The following FAM110B variants were observed in gnomAD, a reference collection of about 807,000 sequenced individuals.
FAM110B encodes the protein family with sequence similarity 110 member B, also known as protein FAM110B.
Under a neutral mutation model 20.4 loss-of-function variants are expected in FAM110B, and 6 were observed. The ratio of observed to expected loss-of-function variants is 0.29; its 90% CI spans 0.16 to 0.58. The LOEUF is 0.58. Ranked by LOEUF, FAM110B falls within the 20% of genes least tolerant of loss-of-function variation. The pLI, the probability that FAM110B is intolerant of heterozygous loss-of-function variation, is 0.90. For synonymous variants in FAM110B, 226 were observed against 214.1 expected (o/e 1.06, Z -0.49); for missense variants, 434 against 498.2 (o/e 0.87, Z 1.23).
intron 1 of FAM110B, among the ~76,000 whole-genome samples, chr8:58,020,139 G>A (rs1270791360): frequency 1.3e-5 from 2 of 151,708 alleles, no homozygotes; most frequent in Non-Finnish European, 2.9e-5. Flanking sequence ...ATTTTATTTA[G>A]TGCTATTTTA....
At chr8:58,142,757 A>T (rs1803770329) in intron 3 of FAM110B, among the ~76,000 whole-genome samples, 1 of 152,042 alleles carries the variant, frequency 6.6e-6, no homozygotes, top group Non-Finnish European at 1.5e-5. Flanking sequence ...AGTTTCTCCC[A>T]CCCTCAGGCT....
rs548865205 is a variant in FAM110B at position 58,083,331 on chromosome 8, G to A, written c.-325+7708G>A. Among the ~76,000 whole-genome samples, 22 of 152,320 alleles carry A rather than the reference G, an allele frequency of 1.4e-4. No homozygotes were observed. In the South Asian group the frequency reaches 4.3e-3, roughly 30 times the overall value. On this transcript the variant is annotated intron_variant, in intron 3 of 3. Transcript: ENST00000519262. ...TTTAGTTGTAGTTGAACATTATGGT[G>A]CAGAATGGTAAGAACTTGGGTGAAA...
intron 1 of FAM110B, among the ~76,000 whole-genome samples, chr8:58,015,158 C>A (rs144666941): frequency 6.6e-6 from 1 of 152,038 alleles, no homozygotes; most frequent in African/African-American, 2.4e-5. Context: ...AAGTTCGAGA[C>A]CAGCCTGACC....
chr8:58,136,575 T>C (rs1380232254), intron 3 of FAM110B, among the ~76,000 whole-genome samples: 1 of 152,134 alleles, frequency 6.6e-6, no homozygotes, highest in Non-Finnish European at 1.5e-5. Context: ...TTAAAGTAAT[T>C]TTCATCAAGC....
At chr8:58,114,782 A>G (rs1807157359) in intron 3 of FAM110B, among the ~76,000 whole-genome samples, 1 of 152,170 alleles carries the variant, frequency 6.6e-6, no homozygotes, top group Non-Finnish European at 1.5e-5. Flanking sequence ...GATGAATAAT[A>G]TTTTATCTCT....
intron 3 of FAM110B, among the ~76,000 whole-genome samples, chr8:58,131,423 C>T (rs1327826185): frequency 1.3e-5 from 2 of 152,140 alleles, no homozygotes; most frequent in Admixed American, 1.3e-4. Context: ...TGCTCCCAGC[C>T]CATGCTACTG....
chr8:58,100,057 C>G (rs770833844), intron 3 of FAM110B, among the ~76,000 whole-genome samples: 1 of 152,120 alleles, frequency 6.6e-6, no homozygotes, highest in African/African-American at 2.4e-5. Flanking sequence ...GACCTCTCCT[C>G]GTCTAATCAC....
intron 1 of FAM110B, among the ~76,000 whole-genome samples, chr8:58,025,763 A>G (rs560051255): frequency 3.3e-5 from 5 of 152,268 alleles, no homozygotes; most frequent in South Asian, 2.1e-4. Flanking sequence ...AGATTGTTCA[A>G]TTGCCAGGAT....
intron 2 of FAM110B, among the ~76,000 whole-genome samples, chr8:58,062,038 C>T (rs6999637): frequency 0.054 from 8,157 of 152,180 alleles, 730 homozygotes; most frequent in African/African-American, 0.19. Flanking sequence ...TTGAAGGACA[C>T]GATACATTTT....
chr8:58,070,704 C>G (rs1228313025), intron 2 of FAM110B, among the ~76,000 whole-genome samples: 1 of 152,148 alleles, frequency 6.6e-6, no homozygotes, highest in Non-Finnish European at 1.5e-5. Context: ...TTTCAGTACC[C>G]AGTAGACTTT....
At chr8:58,047,074 A>G (rs1432875541) in intron 2 of FAM110B, among the ~76,000 whole-genome samples, 1 of 152,322 alleles carries the variant, frequency 6.6e-6, no homozygotes, top group South Asian at 2.1e-4. Context: ...AATATTGGTG[A>G]TGATAGGGGA....
rs75050390 is a variant in FAM110B, at chr8:58,063,751, G to T, written c.-413-11784G>T. ...ATATTTTCCTATAATAGGACTTTTT[G>T]ATAACTTTACAATGTTCTATTAATT... On this transcript the variant is annotated intron_variant, in intron 2 of 3. Coordinates refer to ENST00000519262, the MANE Select transcript of FAM110B (RefSeq NM_001377989.1). 3.4e-3 allele frequency among the ~76,000 whole-genome samples: 518 copies of T among 152,132 alleles called. 9 individuals are homozygous for T. Among genetic ancestry groups the T allele is most frequent in the African/African-American group, 0.012 (500 of 41,476 alleles).
chr8:57,998,318 T>G (rs1464912289), intron 1 of FAM110B, among the ~76,000 whole-genome samples: 1 of 152,186 alleles, frequency 6.6e-6, no homozygotes, highest in Admixed American at 6.5e-5. Context: ...ATAAAGAATG[T>G]TGGGTCTGTT....
intron 2 of FAM110B, among the ~76,000 whole-genome samples, chr8:58,072,849 C>T (rs1028302170): frequency 3.9e-5 from 6 of 152,074 alleles, no homozygotes; most frequent in African/African-American, 7.2e-5. Flanking sequence ...TATGATGTGC[C>T]GCAAAGTAAC....
At chr8:58,093,282 C>T (rs1356547789) in intron 3 of FAM110B, among the ~76,000 whole-genome samples, 3 of 152,222 alleles carry the variant, frequency 2.0e-5, no homozygotes, top group Admixed American at 1.3e-4. Flanking sequence ...TTTTGGCTTT[C>T]ATTGCTGTTG....
intron 2 of FAM110B, among the ~76,000 whole-genome samples, chr8:58,042,726 G>A (rs1373372116): frequency 6.6e-6 from 1 of 152,184 alleles, no homozygotes; most frequent in Non-Finnish European, 1.5e-5. Flanking sequence ...TATGTTTCTT[G>A]TGTATGTTGT....
chr8:58,006,088 T>A (rs1804396388), intron 1 of FAM110B, among the ~76,000 whole-genome samples: 1 of 152,200 alleles, frequency 6.6e-6, no homozygotes, highest in African/African-American at 2.4e-5. Context: ...CAGATCCTTA[T>A]ATCATGCTTA....
At chr8:58,073,086 A>G (rs919082033) in intron 2 of FAM110B, among the ~76,000 whole-genome samples, 13 of 152,162 alleles carry the variant, frequency 8.5e-5, no homozygotes, top group African/African-American at 3.1e-4. Context: ...ATGTAAAGAG[A>G]TATTAGGCCT....
chr8:58,015,906 T>A (rs2150567602), intron 1 of FAM110B, among the ~76,000 whole-genome samples: 1 of 151,810 alleles, frequency 6.6e-6, no homozygotes. Flanking sequence ...TCCAGTTAAA[T>A]GAGTATTACA....
Sources: allele counts gnomAD v4.1 joint callset (sites outside exome capture counted in the v4.1 genomes callset), GRCh38; gene constraint gnomAD v4.1.1; transcripts MANE v1.5; gene names NCBI Gene and HGNC (gene_info 2026-07-23, HGNC 2026-07-21).